CACUL1: variants seen among roughly 807,000 people sequenced by gnomAD.
CACUL1 encodes CDK2 associated cullin domain 1.
In CACUL1, 13 loss-of-function variants were observed where a neutral mutation model predicts 45.2. The ratio of observed to expected loss-of-function variants is 0.29; its 90% CI spans 0.19 to 0.46. The LOEUF (loss-of-function observed/expected upper bound fraction) is 0.46, where lower values mean the gene tolerates loss of function less well. CACUL1 is among the 20% of genes least tolerant of loss of function. The pLI is 1.00. For synonymous variants in CACUL1, 197 were observed against 174.2 expected, an observed-to-expected ratio of 1.13 and a Z score of -1.03; for missense variants, 421 against 471.4, an observed-to-expected ratio of 0.89 and a Z score of 0.99.
chr10:118,688,612 C>A (rs899058076), intron 7 of CACUL1, among the ~76,000 whole-genome samples: 3 of 152,042 alleles, frequency 2.0e-5, no homozygotes, highest in Non-Finnish European at 4.4e-5. Context: ...ATAAAAAAGC[C>A]CAAATTTCGG....
chr10:118,734,403 T>C (rs537404968), intron 1 of CACUL1, among the ~76,000 whole-genome samples: 1 of 152,342 alleles, frequency 6.6e-6, no homozygotes, highest in South Asian at 2.1e-4. Context: ...AAATTCCTTT[T>C]CTGTATGTAA....
rs944452870 is a variant in CACUL1 at position 118,683,246 on chromosome 10, G to A, written c.*2882C>T. 3.3e-5 allele frequency: 5 copies of A among 152,086 alleles called. No individual in the cohort carries two copies. Among genetic ancestry groups the A allele is most frequent in the African/African-American group, 1.2e-4 (5 of 41,398 alleles). The allele number at this position is 152,086 out of a possible 1,614,324, so 9.4% of individuals were successfully genotyped here. On this transcript the variant is annotated 3_prime_UTR_variant, in exon 9 of 9. Transcript: ENST00000369151. ...GGCTGCACATACATACTAGACAGTT[G>A]AAGCAAATCAGCCATTGACTAACCA...
At position 118,681,349 on chromosome 10, in the gene CACUL1, TCA is replaced by T. The variant is rs1330634158; in HGVS notation, c.*4777_*4778del. ...TTACTAGCCATAGCTTCCCATGACT[TCA>T]CATTTGAGTAAGTTATCCTGAAGTG... On this transcript the variant is annotated 3_prime_UTR_variant, in exon 9 of 9. Transcript: ENST00000369151. 2 of 152,214 alleles carry T rather than the reference TCA, an allele frequency of 1.3e-5. No homozygotes were observed. The highest frequency in any genetic ancestry group is 4.8e-5 in the African/African-American group (2 of 41,440). The allele number at this position is 152,214 out of a possible 1,614,324, so 9.4% of individuals were successfully genotyped here. A position where few individuals can be genotyped will look rare whatever the true frequency, so the allele number is the denominator to read the frequency against.
At chr10:118,738,326 A>G (rs984065428) in intron 1 of CACUL1, among the ~76,000 whole-genome samples, 4 of 152,214 alleles carry the variant, frequency 2.6e-5, no homozygotes, top group African/African-American at 9.6e-5. Flanking sequence ...ACCTAGAAAC[A>G]TTCAGGGCAG....
chr10:118,706,393 T>A (rs1589606893), intron 4 of CACUL1, among the ~76,000 whole-genome samples: 1 of 152,108 alleles, frequency 6.6e-6, no homozygotes, highest in African/African-American at 2.4e-5. Flanking sequence ...CGCACGGAAA[T>A]AAAATGTTTG....
chr10:118,714,134 C>G (rs1845519423), intron 3 of CACUL1, among the ~76,000 whole-genome samples: 1 of 152,156 alleles, frequency 6.6e-6, no homozygotes. Flanking sequence ...TAGAAGACAG[C>G]TGGATTCTCA....
intron 7 of CACUL1, among the ~76,000 whole-genome samples, chr10:118,690,680 CA>C (rs1338875711): frequency 6.6e-6 from 1 of 152,154 alleles, no homozygotes; most frequent in Non-Finnish European, 1.5e-5. Flanking sequence ...AGGACTAATA[CA>C]AGAAAATCAA....
At chr10:118,743,246 A>G (rs2119671472) in intron 1 of CACUL1, among the ~76,000 whole-genome samples, 1 of 152,292 alleles carries the variant, frequency 6.6e-6, no homozygotes, top group African/African-American at 2.4e-5. Context: ...TCATGGTACA[A>G]TAACAAGTGT....
intron 6 of CACUL1, among the ~76,000 whole-genome samples, chr10:118,694,054 C>T (rs1317860685): frequency 2.0e-5 from 3 of 152,114 alleles, no homozygotes; most frequent in Admixed American, 6.5e-5. Flanking sequence ...TTAGTAGAGA[C>T]GAGGTTTCAC....
At chr10:118,724,307 C>G (rs947594380) in intron 3 of CACUL1, among the ~76,000 whole-genome samples, 1 of 152,134 alleles carries the variant, frequency 6.6e-6, no homozygotes, top group Non-Finnish European at 1.5e-5. Context: ...ATGTTAGGTT[C>G]CTCTATCTGA....
intron 3 of CACUL1, among the ~76,000 whole-genome samples, chr10:118,722,311 C>T (rs1241402086): frequency 6.6e-6 from 1 of 151,978 alleles, no homozygotes; most frequent in East Asian, 1.9e-4. Flanking sequence ...TGGTCTCGAT[C>T]TCCCGACCTC....
At chr10:118,735,271 T>C (rs551037608) in intron 1 of CACUL1, among the ~76,000 whole-genome samples, 16 of 152,332 alleles carry the variant, frequency 1.1e-4, no homozygotes, top group African/African-American at 3.8e-4. Flanking sequence ...ATATAATCCT[T>C]TTAAGGGTTT....
At chr10:118,706,093 A>AAT (rs1210142866) in intron 4 of CACUL1, among the ~76,000 whole-genome samples, 3 of 152,250 alleles carry the variant, frequency 2.0e-5, no homozygotes, top group Non-Finnish European at 2.9e-5. Context: ...CAACAATGGC[A>AAT]ATACAGAAAA....
At chr10:118,690,310 A>AG (rs1441787057) in intron 7 of CACUL1, among the ~76,000 whole-genome samples, 1 of 104,022 alleles carries the variant, frequency 9.6e-6, no homozygotes, top group Non-Finnish European at 2.0e-5. Context: ...TCCGTCTCAA[A>AG]AAAAAAAAAA....
At chr10:118,713,209 G>A (rs539316909) in intron 3 of CACUL1, among the ~76,000 whole-genome samples, 3 of 152,232 alleles carry the variant, frequency 2.0e-5, no homozygotes, top group Non-Finnish European at 2.9e-5. Context: ...ACCTGGGCTC[G>A]CCCCCAACTT....
At chr10:118,707,024 A>G (rs758355436) in intron 4 of CACUL1, among the ~76,000 whole-genome samples, 14 of 152,200 alleles carry the variant, frequency 9.2e-5, no homozygotes, top group Non-Finnish European at 2.9e-5. Context: ...AACAGGGAGG[A>G]AGCTGATCAA....
At chr10:118,730,516 T>C in intron 1 of CACUL1, 106 bp from the exon 2 acceptor site, 11 of 1,072,038 alleles carry the variant, frequency 1.0e-5, no homozygotes, top group Non-Finnish European at 1.5e-5. Flanking sequence ...TCTTCTGATT[T>C]TACACTGACA....
chr10:118,729,928 C>T lies in CACUL1; in HGVS notation c.494+356G>A, dbSNP rs550392850. ...TAACAGGAGCTGAGAAACAAAATAA[C>T]CAAAGAGAGTTAGAATTGTGTGTCA... On this transcript the variant is annotated intron_variant, in intron 2 of 8. Transcript: ENST00000369151. Among the ~76,000 whole-genome samples the T allele has an allele frequency of 2.8e-4, 42 of 152,268 alleles. No homozygotes were observed. The Middle Eastern group carries it at 0.01, about 37-fold the overall frequency.
At chr10:118,723,006 C>G (rs997797176) in intron 3 of CACUL1, among the ~76,000 whole-genome samples, 3 of 152,202 alleles carry the variant, frequency 2.0e-5, no homozygotes, top group Non-Finnish European at 4.4e-5. Flanking sequence ...AGAACTGCCT[C>G]TGAGCTGCTA....
Sources: allele counts gnomAD v4.1 joint callset (sites outside exome capture counted in the v4.1 genomes callset), GRCh38; gene constraint gnomAD v4.1.1; transcripts MANE v1.5; gene names NCBI Gene and HGNC (gene_info 2026-07-23, HGNC 2026-07-21).